The following LRRC28 variants were observed in gnomAD, a reference collection of about 807,000 sequenced individuals.
The protein encoded by LRRC28 is leucine rich repeat containing 28.
Under a neutral mutation model 45.7 loss-of-function variants are expected in LRRC28, and 39 were observed. The ratio of observed to expected loss-of-function variants is 0.85; its 90% confidence interval spans 0.66 to 1.12. The LOEUF is 1.12. Ranked by LOEUF, LRRC28 falls within the 50% of genes most tolerant of loss-of-function variation. The probability of loss-of-function intolerance (pLI) is 0.00; values close to 1 mark genes in which losing one functional copy is unlikely to be tolerated. For missense variants in LRRC28, 435 were observed against 438.5 expected (o/e 0.99, Z 0.07); for synonymous variants, 206 against 178.8 (o/e 1.15, Z -1.22).
intron 9 of LRRC28, among the ~76,000 whole-genome samples, chr15:99,373,962 C>A (rs938299470): frequency 6.6e-6 from 1 of 152,168 alleles, no homozygotes; most frequent in Non-Finnish European, 1.5e-5. Context: ...CTGTGTCTAT[C>A]TCTTAGTCAA....
chr15:99,363,342 G>C, intron 9 of LRRC28, 77 bp downstream of exon 9: 1 of 1,519,698 alleles, frequency 6.6e-7, no homozygotes, highest in Non-Finnish European at 8.9e-7. Flanking sequence ...GGCTGTGCAT[G>C]AAAGCATTAA....
At chr15:99,332,355 T>G (rs141592762) in intron 5 of LRRC28, among the ~76,000 whole-genome samples, 7 of 152,312 alleles carry the variant, frequency 4.6e-5, no homozygotes, top group Non-Finnish European at 8.8e-5. Flanking sequence ...GATGTATATT[T>G]TGTTCAGTAT....
intron 9 of LRRC28, among the ~76,000 whole-genome samples, chr15:99,366,394 CCTAA>C (rs1251136047): frequency 2.0e-5 from 3 of 152,200 alleles, no homozygotes; most frequent in Admixed American, 6.5e-5. Context: ...CCTCATCTTA[CCTAA>C]CTATTATATA....
At position 99,361,434 on chromosome 15, in the gene LRRC28, C is replaced by CG; in HGVS notation, c.796dup (p.Glu266GlyfsTer3). On this transcript the variant is annotated frameshift_variant, in exon 8 of 10. Transcript: ENST00000301981. LOFTEE classifies it high-confidence loss of function. ...CCAGCTGAGGTGAAGGCCATAGGGA[C>CG]GGAGCATGATCACGTCCTCCCTCTG... is the stretch of plus-strand genomic sequence containing the variant. 6.2e-7 allele frequency: 1 copy of CG among 1,613,964 alleles called. No homozygotes were observed. Among genetic ancestry groups the CG allele is most frequent in the Non-Finnish European group, 8.5e-7 (1 of 1,179,938 alleles).
chr15:99,344,513 T>C (rs1302795868), intron 6 of LRRC28, among the ~76,000 whole-genome samples: 4 of 152,228 alleles, frequency 2.6e-5, no homozygotes, highest in African/African-American at 4.8e-5. Context: ...TGATTTTCTT[T>C]CAGCTTTAAC....
At chr15:99,304,423 T>C (rs1403061464) in intron 5 of LRRC28, among the ~76,000 whole-genome samples, 1 of 152,018 alleles carries the variant, frequency 6.6e-6, no homozygotes, top group Non-Finnish European at 1.5e-5. Flanking sequence ...TTTATATATA[T>C]TCCTTTTCTT....
Position 99,387,175 on chromosome 15 carries a change from C to T in LRRC28, c.*1073C>T, listed in dbSNP as rs1213245357. On this transcript the variant is annotated 3_prime_UTR_variant, in exon 10 of 10. Transcript: ENST00000301981. ...TCCCGGGTTCACGCCATTCTCCTGC[C>T]TCAGCCTCCCAAGTAGCTGGGACCA... The T allele has an allele frequency of 2.7e-5, 4 of 147,216 alleles. No individual in the cohort carries two copies. Among genetic ancestry groups the T allele is most frequent in the Admixed American group, 6.9e-5 (1 of 14,562 alleles). 9.1% of individuals were successfully genotyped at this position (147,216 alleles called of 1,614,324 possible). A position where few individuals can be genotyped will look rare whatever the true frequency, so the allele number is the denominator to read the frequency against.
At chr15:99,355,955 C>T (rs1055864841) in intron 7 of LRRC28, among the ~76,000 whole-genome samples, 3 of 152,244 alleles carry the variant, frequency 2.0e-5, no homozygotes, top group South Asian at 2.1e-4. Flanking sequence ...CCCCCAGTAT[C>T]GGATACCTGA....
chr15:99,363,172 G>C lies in LRRC28; in HGVS notation c.938G>C (p.Gly313Ala), dbSNP rs1264339642. Residue 313 changes from glycine (G) to alanine (A), a missense_variant, in exon 9 of 10, where the codon GGG becomes GCG. By Grantham distance (60) the Gly-to-Ala change is moderately conservative. Transcript: ENST00000301981. ...CTAGAGCTGCTGCACTGCCCTCTGGGGCACTGTCATCGGTGTAGTGAGCCT... is the reference window on the plus strand; with the variant it reads ...CTAGAGCTGCTGCACTGCCCTCTGGCGCACTGTCATCGGTGTAGTGAGCCT... The part of the protein sequence containing the change: ...SLLELLHCPL[G>A]HCHRCSEPMF... 1 of 1,613,966 alleles carries C rather than the reference G, an allele frequency of 6.2e-7. No homozygotes were observed. Among genetic ancestry groups the C allele is most frequent in the Non-Finnish European group, 8.5e-7 (1 of 1,179,900 alleles).
chr15:99,369,898 G>T (rs1021010482), intron 9 of LRRC28, among the ~76,000 whole-genome samples: 2 of 152,166 alleles, frequency 1.3e-5, no homozygotes, highest in Non-Finnish European at 2.9e-5. Context: ...GTGCATTCAG[G>T]CTTTATTGCT....
intron 2 of LRRC28, 139 bp from the exon 3 acceptor site, chr15:99,276,437 C>T: frequency 3.5e-6 from 2 of 570,806 alleles, no homozygotes; most frequent in South Asian, 2.7e-5. Flanking sequence ...AGAATAAAAC[C>T]CAGACCTGCT....
At chr15:99,257,901 A>G (rs2081072059) in intron 2 of LRRC28, 1 of 769,782 alleles carries the variant, frequency 1.3e-6, no homozygotes, top group Non-Finnish European at 2.4e-6. Flanking sequence ...ACTTATCATC[A>G]ATTCATTGTA....
chr15:99,259,713 G>T, intron 2 of LRRC28: 1 of 1,424,594 alleles, frequency 7.0e-7, no homozygotes, highest in Non-Finnish European at 9.9e-7. Context: ...ATGCTTCGAC[G>T]AATTAAGGAA....
intron 5 of LRRC28, among the ~76,000 whole-genome samples, chr15:99,320,296 T>C (rs1284017657): frequency 2.6e-5 from 4 of 152,218 alleles, no homozygotes; most frequent in Non-Finnish European, 5.9e-5. Flanking sequence ...TAACTTTAAG[T>C]TATGGTCATT....
intron 9 of LRRC28, among the ~76,000 whole-genome samples, chr15:99,374,031 G>A (rs1957556167): frequency 6.6e-6 from 1 of 152,084 alleles, no homozygotes; most frequent in Non-Finnish European, 1.5e-5. Context: ...ATCAGGTTGA[G>A]TGATACTTCT....
Position 99,290,860 on chromosome 15 carries a change from G to T in LRRC28, c.385+2909G>T, listed in dbSNP as rs145553255. Among the ~76,000 whole-genome samples, 933 of 152,186 alleles carry T rather than the reference G, an allele frequency of 6.1e-3. 13 individuals carry two copies. The highest frequency in any genetic ancestry group is 0.021 in the African/African-American group (873 of 41,520). Reference sequence around the variant, plus strand: ...ACACACACCTTAGTCCTAGCTGCTTGGGAGGCTGGGGCGGGAGAATCTCTT... The same window carrying T: ...ACACACACCTTAGTCCTAGCTGCTTTGGAGGCTGGGGCGGGAGAATCTCTT... On this transcript the variant is annotated intron_variant, in intron 5 of 9. Transcript: ENST00000301981.
chr15:99,272,491 G>T (rs2081508370), intron 2 of LRRC28, among the ~76,000 whole-genome samples: 1 of 152,220 alleles, frequency 6.6e-6, no homozygotes, highest in African/African-American at 2.4e-5. Flanking sequence ...GTGCCCACCA[G>T]AAAATACTAT....
At chr15:99,336,139 T>C (rs1956314100) in intron 6 of LRRC28, among the ~76,000 whole-genome samples, 1 of 152,244 alleles carries the variant, frequency 6.6e-6, no homozygotes, top group Non-Finnish European at 1.5e-5. Context: ...TTTGTAAGAA[T>C]AATAATAGCT....
intron 6 of LRRC28, among the ~76,000 whole-genome samples, chr15:99,340,994 C>T (rs1380052567): frequency 6.7e-6 from 1 of 150,212 alleles, no homozygotes; most frequent in Non-Finnish European, 1.5e-5. Context: ...TGCAATGCTT[C>T]TTTTTGAGCT....
Sources: allele counts gnomAD v4.1 joint callset (sites outside exome capture counted in the v4.1 genomes callset), GRCh38; gene constraint gnomAD v4.1.1; transcripts MANE v1.5; gene names NCBI Gene and HGNC (gene_info 2026-07-23, HGNC 2026-07-21).